Variants in FCER1A observed in about 807,000 individuals in gnomAD.
The protein encoded by FCER1A is Fc epsilon receptor Ia, also known as high affinity immunoglobulin epsilon receptor subunit alpha.
FCER1A carries 24 observed loss-of-function variants against 23.6 expected under a neutral mutation model. That is an observed-to-expected ratio of 1.02 (90% confidence interval 0.74 to 1.43). The LOEUF is 1.43. Among genes scored for constraint, FCER1A ranks in the 40% most tolerant of loss-of-function variants. The pLI, the probability that FCER1A is intolerant of heterozygous loss-of-function variation, is 0.00. For synonymous variants in FCER1A, 121 were observed against 108.8 expected, an observed-to-expected ratio of 1.11 and a Z score of -0.70; for missense variants, 318 against 294.5, an observed-to-expected ratio of 1.08 and a Z score of -0.58.
In FCER1A at chr1:159,295,983, A is replaced by G. The variant is rs529094308; in HGVS notation, c.-60+6230A>G. ...TAAATTATATTTCTAGTTTGTCTATAAAAATGATATTACAATATCTCTGTC... is the reference window on the plus strand; with the variant it reads ...TAAATTATATTTCTAGTTTGTCTATGAAAATGATATTACAATATCTCTGTC... On this transcript the variant is annotated intron_variant, in intron 1 of 5. Transcript: ENST00000368115. Among the ~76,000 whole-genome samples, 4 of 152,330 alleles carry G rather than the reference A, an allele frequency of 2.6e-5. No homozygotes were observed. In the South Asian group the frequency reaches 8.3e-4, roughly 32 times the overall value.
rs377677597 is a variant in FCER1A, at chr1:159,304,170, G to A, written c.319G>A (p.Glu107Lys). Residue 107 changes from glutamate (E) to lysine (K), a missense_variant, in exon 3 of 5, where the codon GAA becomes AAA. Coordinates refer to ENST00000693622, the MANE Select transcript of FCER1A (RefSeq NM_001387280.1). ...TAATGAGAGTGAACCTGTGTACCTG[G>A]AAGTCTTCAGTGGTAAGTTCCAGGG... ...QVNESEPVYL[E>K]VFSDWLLLQA... The A allele has an allele frequency of 2.0e-5, 32 of 1,613,738 alleles. No homozygotes were observed. The highest frequency in any genetic ancestry group is 3.3e-5 in the Admixed American group (2 of 60,002).
rs536363357 is a variant in FCER1A, at chr1:159,292,532, T to C, written c.-60+2779T>C. On this transcript the variant is annotated intron_variant, in intron 1 of 5. Transcript: ENST00000368115. ...TTTTCTTTATCTATACTACCACTTC[T>C]CTAGACTATCTATCATCATATTTTG... 2.6e-5 allele frequency among the ~76,000 whole-genome samples: 4 copies of C among 152,240 alleles called. No individual in the cohort carries two copies. In the East Asian group the frequency reaches 7.7e-4, roughly 29 times the overall value.
At position 159,304,114 on chromosome 1, in the gene FCER1A, G is replaced by T; in HGVS notation, c.263G>T (p.Ser88Ile). The change falls in exon 3 of 5, where the codon AGT (serine) becomes ATT (isoleucine). Residue 88 changes from serine to isoleucine, a missense_variant. Transcript: ENST00000693622. Reference sequence around the variant, plus strand: ...ATTGTGAATGCCAAATTTGAAGACAGTGGAGAATACAAATGTCAGCACCAA... The same window carrying T: ...ATTGTGAATGCCAAATTTGAAGACATTGGAGAATACAAATGTCAGCACCAA... ...LNIVNAKFED[S>I]GEYKCQHQQV... 1 of 1,613,828 alleles carries T rather than the reference G, an allele frequency of 6.2e-7. No homozygotes were observed. Among genetic ancestry groups the T allele is most frequent in the African/African-American group, 1.3e-5 (1 of 75,042 alleles).
chr1:159,290,994 T>C (rs1406267270), intron 1 of FCER1A, among the ~76,000 whole-genome samples: 1 of 152,210 alleles, frequency 6.6e-6, no homozygotes, highest in East Asian at 1.9e-4. Flanking sequence ...TAATGCAAAT[T>C]AGTCTATATG....
At chr1:159,293,607 T>C (rs112553301) in intron 1 of FCER1A, among the ~76,000 whole-genome samples, 17,581 of 137,786 alleles carry the variant, frequency 0.13, 1,746 homozygotes, top group East Asian at 0.48. Context: ...TGTGTTCTCA[T>C]TGTTCAATTC....
rs768690830 is a variant in FCER1A, at chr1:159,306,237, T to C, written c.581T>C (p.Val194Ala). 1 of 1,612,638 alleles carries C rather than the reference T, an allele frequency of 6.2e-7. No homozygotes were observed. Among genetic ancestry groups the C allele is most frequent in the African/African-American group, 1.3e-5 (1 of 74,814 alleles). The change falls in exon 4 of 5, where the codon GTA becomes GCA. Residue 194 changes from valine (V) to alanine (A), a missense_variant. Val to Ala is a moderately conservative substitution (Grantham distance 64). Transcript: ENST00000693622. Reference protein sequence around the residue: ...DYESEPLNITVIKAPREKYWL... With the variant: ...DYESEPLNITAIKAPREKYWL... ...GAGTCTGAGCCCCTCAACATTACTG[T>C]AATAAAAGGTGAGTTGGTAAAGGAA... is the stretch of plus-strand genomic sequence containing the variant.
At chr1:159,296,193 C>A (rs1413639294) in intron 1 of FCER1A, among the ~76,000 whole-genome samples, 1 of 151,940 alleles carries the variant, frequency 6.6e-6, no homozygotes, top group Non-Finnish European at 1.5e-5. Flanking sequence ...ATATTGTATT[C>A]AAAAATTTCT....
upstream of FCER1A, among the ~76,000 whole-genome samples, chr1:159,298,403 C>T (rs1204879257): frequency 6.6e-6 from 1 of 152,156 alleles, no homozygotes; most frequent in Admixed American, 6.6e-5. Flanking sequence ...AATGAGTTCA[C>T]ATGAGAGCTG....
intron 3 of FCER1A, among the ~76,000 whole-genome samples, 156 bp from the exon 4 acceptor site, chr1:159,305,832 T>A (rs1178339252): frequency 6.6e-6 from 1 of 152,224 alleles, no homozygotes; most frequent in Non-Finnish European, 1.5e-5. Flanking sequence ...CTAAGCATTA[T>A]TTTGTGCCCT....
intron 1 of FCER1A, among the ~76,000 whole-genome samples, chr1:159,294,234 A>T (rs1466629104): frequency 6.6e-6 from 1 of 152,192 alleles, no homozygotes; most frequent in Non-Finnish European, 1.5e-5. Flanking sequence ...TACGCAAAGG[A>T]CTATAAATCA....
At chr1:159,303,738 C>T (rs962076732) in intron 2 of FCER1A, among the ~76,000 whole-genome samples, 190 bp from the exon 3 acceptor site, 5 of 152,156 alleles carry the variant, frequency 3.3e-5, no homozygotes, top group African/African-American at 7.2e-5. Flanking sequence ...CTGTGTTGGG[C>T]GTTCCCTGGG....
In FCER1A at chr1:159,308,020, C is replaced by A; in HGVS notation, c.*88C>A. The A allele has an allele frequency of 1.1e-6, 1 of 905,450 alleles. No homozygotes were observed. Among genetic ancestry groups the A allele is most frequent in the Non-Finnish European group, 1.7e-6 (1 of 602,492 alleles). 56.1% of individuals were successfully genotyped at this position (905,450 alleles called of 1,614,324 possible). ...ATTGTCAAACACAGCTTGCAATATACATAGAAACGTCTGTGCTCAAGGATT... is the reference window on the plus strand; with the variant it reads ...ATTGTCAAACACAGCTTGCAATATAAATAGAAACGTCTGTGCTCAAGGATT... On this transcript the variant is annotated 3_prime_UTR_variant, in exon 5 of 5. Transcript: ENST00000693622.
upstream of FCER1A, among the ~76,000 whole-genome samples, chr1:159,289,456 A>T (rs534292946): frequency 6.6e-6 from 1 of 152,296 alleles, no homozygotes; most frequent in African/African-American, 2.4e-5. Context: ...TCATACACAC[A>T]ACTGTGTTGA....
At chr1:159,291,429 T>C (rs1177150006) in intron 1 of FCER1A, among the ~76,000 whole-genome samples, 4 of 152,150 alleles carry the variant, frequency 2.6e-5, no homozygotes, top group Non-Finnish European at 5.9e-5. Context: ...TGTAACAGTC[T>C]TTTTTTCCTC....
intron 1 of FCER1A, 134 bp downstream of exon 1, chr1:159,302,553 T>G: frequency 1.3e-6 from 1 of 757,132 alleles, no homozygotes; most frequent in Non-Finnish European, 2.4e-6. Context: ...CCAGGGACTC[T>G]GTAGTGGAGC....
intron 3 of FCER1A, 29 bp downstream of exon 3, chr1:159,304,211 T>C: frequency 1.5e-5 from 24 of 1,603,708 alleles, no homozygotes; most frequent in Non-Finnish European, 2.0e-5. Context: ...GAAATACAGA[T>C]CTCTCATGTG....
upstream of FCER1A, among the ~76,000 whole-genome samples, chr1:159,287,848 G>C (rs1557965295): frequency 6.6e-6 from 1 of 150,956 alleles, no homozygotes; most frequent in Non-Finnish European, 1.5e-5. Flanking sequence ...GATTTATTAG[G>C]TTGTAACATC....
At chr1:159,288,475 G>T (rs1486835257), upstream of FCER1A, among the ~76,000 whole-genome samples, 2 of 152,062 alleles carry the variant, frequency 1.3e-5, no homozygotes, top group Non-Finnish European at 2.9e-5. Context: ...TGGTGTTTCT[G>T]TTAGAGTTTA....
chr1:159,302,521 T>C (rs1652465452), intron 1 of FCER1A, 102 bp downstream of exon 1: 2 of 861,660 alleles, frequency 2.3e-6, no homozygotes, highest in East Asian at 2.4e-5. Flanking sequence ...TTCTAGGACA[T>C]GTGCAAACTA....
Sources: gnomAD v4.1 joint callset for allele counts (sites outside exome capture counted in the v4.1 genomes callset) on GRCh38, gnomAD v4.1.1 for gene constraint, MANE v1.5 for transcripts, NCBI Gene and HGNC (gene_info 2026-07-23, HGNC 2026-07-21) for gene names.